SLC25A10: variants seen among roughly 807,000 people sequenced by gnomAD.
The protein encoded by SLC25A10 is mitochondrial dicarboxylate carrier.
A neutral mutation model predicts 40.4 loss-of-function variants in SLC25A10; 32 were observed. The observed-to-expected ratio is 0.79, with a 90% CI of 0.60 to 1.06. The LOEUF is 1.06. Ranked by LOEUF, SLC25A10 falls within the 50% of genes least tolerant of loss-of-function variation. SLC25A10 has a pLI of 0.00. For synonymous variants in SLC25A10, 181 were observed against 171.1 expected, an observed-to-expected ratio of 1.06 and a Z score of -0.45; for missense variants, 394 against 402.6, an observed-to-expected ratio of 0.98 and a Z score of 0.18.
In SLC25A10 at chr17:81,717,076, G is replaced by T; in HGVS notation, c.534+4G>T. ...GGCCTTAGTCACTGTGGGCCAGGTA[G>T]GCCTCCTGCGTGGGGTGGGTGTGGG... On this transcript the variant is annotated splice_donor_region_variant and intron_variant, in intron 7 of 10. Coordinates refer to ENST00000350690, the MANE Select transcript of SLC25A10 (RefSeq NM_012140.5). 1.9e-6 allele frequency: 3 copies of T among 1,613,558 alleles called. No individual in the cohort carries two copies. The highest frequency in any genetic ancestry group is 2.5e-6 in the Non-Finnish European group (3 of 1,179,842).
At chr17:81,719,250 T>C (rs2037544931) in intron 9 of SLC25A10, among the ~76,000 whole-genome samples, 1 of 151,874 alleles carries the variant, frequency 6.6e-6, no homozygotes, top group Non-Finnish European at 1.5e-5. Flanking sequence ...GTATTTTTAG[T>C]AGAGACAAGG....
intron 1 of SLC25A10, among the ~76,000 whole-genome samples, chr17:81,713,956 G>A (rs977462056): frequency 2.6e-5 from 4 of 152,222 alleles, no homozygotes; most frequent in African/African-American, 7.2e-5. Flanking sequence ...CTCTCTGCCT[G>A]GCCGTCGGAA....
chr17:81,717,308 G>T (rs1598213577), intron 7 of SLC25A10, 91 bp from the exon 8 acceptor site: 2 of 1,300,908 alleles, frequency 1.5e-6, no homozygotes, highest in East Asian at 4.6e-5. Context: ...CAGGTGCTTG[G>T]CCATTGCCAG....
intron 4 of SLC25A10, 50 bp downstream of exon 4, chr17:81,715,791 AG>A (rs2037475698): frequency 1.2e-6 from 2 of 1,607,896 alleles, no homozygotes; most frequent in Admixed American, 1.7e-5. Flanking sequence ...TCTTGTCCCC[AG>A]ACATGCCAGG....
Position 81,716,863 on chromosome 17 carries a change from G to A in SLC25A10, c.463+8G>A, listed in dbSNP as rs1170861711. 2 of 1,611,040 alleles carry A rather than the reference G, an allele frequency of 1.2e-6. No individual in the cohort carries two copies. The highest frequency in any genetic ancestry group is 1.1e-5 in the South Asian group (1 of 90,528). On this transcript the variant is annotated splice_region_variant and intron_variant, in intron 6 of 10. Transcript: ENST00000350690. ...ACCGCGTAGCTCGTGAAGGTGAGGG[G>A]CAGGTGCTGTGCACAGGCAGGGTTC...
chr17:81,716,746 G>A (rs1472412344), intron 5 of SLC25A10, 66 bp from the exon 6 acceptor site: 3 of 1,533,408 alleles, frequency 2.0e-6, no homozygotes, highest in South Asian at 2.4e-5. Flanking sequence ...TCGGGGCCTG[G>A]GAGGACCCTC....
At position 81,720,161 on chromosome 17, in the gene SLC25A10, C is replaced by T. The variant is rs1429744361; in HGVS notation, c.*84C>T. 8 of 1,569,972 alleles carry T rather than the reference C, an allele frequency of 5.1e-6. No homozygotes were observed. The highest frequency in any genetic ancestry group is 1.2e-5 in the South Asian group (1 of 86,878). On this transcript the variant is annotated 3_prime_UTR_variant, in exon 11 of 11. Transcript: ENST00000350690. ...CCAAGCCCAGCACCTGCTCCTGGGG[C>T]CACGACCTCCCTGGCCGTGGCCACC... is the stretch of plus-strand genomic sequence containing the variant.
intron 6 of SLC25A10, 47 bp from the exon 7 acceptor site, chr17:81,716,955 G>GGCCTCACCCATT: frequency 6.3e-7 from 1 of 1,588,478 alleles, no homozygotes; most frequent in Non-Finnish European, 8.6e-7. Context: ...CCAGGTGCCT[G>GGCCTCACCCATT]GCCTCACCCC....
chr17:81,712,485 C>T lies in SLC25A10; in HGVS notation c.59C>T (p.Ala20Val), dbSNP rs778252318. The change falls in exon 1 of 11, where the codon GCC becomes GTC. Residue 20 changes from alanine (A) to valine (V), a missense_variant. Transcript: ENST00000350690. Reference sequence around the variant, plus strand: ...TTCGGGGGGCTGGCCTCCTGCGGGGCCGCCTGCTGCACGCACCCGCTGGAC... The same window carrying T: ...TTCGGGGGGCTGGCCTCCTGCGGGGTCGCCTGCTGCACGCACCCGCTGGAC... ...WYFGGLASCG[A>V]ACCTHPLDLL... The T allele has an allele frequency of 1.5e-6, 2 of 1,301,340 alleles. No individual in the cohort carries two copies. The highest frequency in any genetic ancestry group is 2.3e-5 in the South Asian group (1 of 42,908). The allele number at this position is 1,301,340 out of a possible 1,614,324, so 80.6% of individuals were successfully genotyped here. A position where few individuals can be genotyped will look rare whatever the true frequency, so the allele number is the denominator to read the frequency against.
Position 81,712,505 on chromosome 17 carries a change from C to A in SLC25A10, c.79C>A (p.Leu27Met). The A allele has an allele frequency of 7.8e-7, 1 of 1,288,196 alleles. No homozygotes were observed. The highest frequency in any genetic ancestry group is 9.8e-7 in the Non-Finnish European group (1 of 1,020,170). 79.8% of individuals were successfully genotyped at this position (1,288,196 alleles called of 1,614,324 possible). A position where few individuals can be genotyped will look rare whatever the true frequency, so the allele number is the denominator to read the frequency against. ...CGGGGCCGCCTGCTGCACGCACCCG[C>A]TGGACCTGCTCAAGGTGAGGCCGGG... ...SCGAACCTHP[L>M]DLLKVHLQTQ... The change falls in exon 1 of 11, where the codon CTG becomes ATG. Residue 27 changes from leucine (L) to methionine (M), a missense_variant. By Grantham distance (15) the Leu-to-Met change is conservative. Transcript: ENST00000350690.
chr17:81,716,930 G>C (rs994906252), intron 6 of SLC25A10, 72 bp from the exon 7 acceptor site: 6 of 1,605,682 alleles, frequency 3.7e-6, no homozygotes, highest in Non-Finnish European at 5.1e-6. Context: ...AAGACTGGGC[G>C]CTGAGGGATT....
intron 8 of SLC25A10, 107 bp downstream of exon 8, chr17:81,717,598 G>A: frequency 7.2e-7 from 1 of 1,392,110 alleles, no homozygotes; most frequent in Non-Finnish European, 1.0e-6. Flanking sequence ...TGGGCATCTG[G>A]CAGTGCCCCC....
intron 9 of SLC25A10, 53 bp downstream of exon 9, chr17:81,717,914 C>T: frequency 7.0e-7 from 1 of 1,421,954 alleles, no homozygotes; most frequent in Non-Finnish European, 9.7e-7. Flanking sequence ...CGAGTCCCCT[C>T]ACCTCTCCGG....
Position 81,712,488 on chromosome 17 carries a change from CCTG to C in SLC25A10, c.67_69del (p.Cys23del). On this transcript the variant is annotated inframe_deletion, in exon 1 of 11. Coordinates refer to ENST00000350690, the MANE Select transcript of SLC25A10 (RefSeq NM_012140.5). Reference sequence around the variant, plus strand: ...GGGGGGCTGGCCTCCTGCGGGGCCGCCTGCTGCACGCACCCGCTGGACCTGCTC... The same window carrying C: ...GGGGGGCTGGCCTCCTGCGGGGCCGCCTGCACGCACCCGCTGGACCTGCTC... The C allele has an allele frequency of 1.5e-6, 2 of 1,300,738 alleles. No homozygotes were observed. The highest frequency in any genetic ancestry group is 1.9e-6 in the Non-Finnish European group (2 of 1,026,592). 80.6% of individuals were successfully genotyped at this position (1,300,738 alleles called of 1,614,324 possible). A position where few individuals can be genotyped will look rare whatever the true frequency, so the allele number is the denominator to read the frequency against.
chr17:81,716,867 G>A lies in SLC25A10; in HGVS notation c.463+12G>A, dbSNP rs755981757. 2 of 1,611,118 alleles carry A rather than the reference G, an allele frequency of 1.2e-6. No homozygotes were observed. The highest frequency in any genetic ancestry group is 2.2e-5 in the South Asian group (2 of 90,546). On this transcript the variant is annotated intron_variant, in intron 6 of 10. Coordinates refer to ENST00000350690, the MANE Select transcript of SLC25A10 (RefSeq NM_012140.5). Reference sequence around the variant, plus strand: ...CGTAGCTCGTGAAGGTGAGGGGCAGGTGCTGTGCACAGGCAGGGTTCTGGG... The same window carrying A: ...CGTAGCTCGTGAAGGTGAGGGGCAGATGCTGTGCACAGGCAGGGTTCTGGG...
At chr17:81,717,944 G>A (rs923364122) in intron 9 of SLC25A10, 83 bp downstream of exon 9, 14 of 1,034,822 alleles carry the variant, frequency 1.4e-5, no homozygotes, top group African/African-American at 6.3e-5. Flanking sequence ...ACTCGCACTG[G>A]GGACCCGGGG....
At chr17:81,715,972 G>GGCCC in intron 4 of SLC25A10, 37 bp from the exon 5 acceptor site, 8 of 1,540,352 alleles carry the variant, frequency 5.2e-6, no homozygotes, top group South Asian at 1.2e-5. Flanking sequence ...ATGCCCCTCG[G>GGCCC]CCCGCCCGCC....
At chr17:81,713,359 C>A (rs1362278894) in intron 1 of SLC25A10, 8 of 708,790 alleles carry the variant, frequency 1.1e-5, no homozygotes, top group Non-Finnish European at 1.2e-5. Context: ...CAGGCCCTGC[C>A]CTGTGAACCT....
In SLC25A10 at chr17:81,715,721, C is replaced by T. The variant is rs141437548; in HGVS notation, c.357C>T (p.Pro119=). The change falls in exon 4 of 11, where the codon CCC becomes CCT. Residue 119 remains proline, a synonymous_variant. Transcript: ENST00000350690. ...SGLAGGFVGT[P]ADLVNVRMQN... is the part of the protein sequence containing the mutation. ...TAGCTGGAGGCTTCGTGGGGACGCC[C>T]GCAGACTTGGTCAACGTCAGGTTGG... 32 of 1,613,222 alleles carry T rather than the reference C, an allele frequency of 2.0e-5. No individual in the cohort carries two copies. The highest frequency in any genetic ancestry group is 5.0e-5 in the Admixed American group (3 of 60,010).
Sources: gnomAD v4.1 joint callset for allele counts (sites outside exome capture counted in the v4.1 genomes callset) on GRCh38, gnomAD v4.1.1 for gene constraint, MANE v1.5 for transcripts, NCBI Gene and HGNC (gene_info 2026-07-23, HGNC 2026-07-21) for gene names.